The following LARGE1 variants were observed in gnomAD, a reference collection of about 807,000 sequenced individuals.
LARGE1 encodes the protein xylosyl- and glucuronyltransferase LARGE1.
A neutral mutation model predicts 87.6 loss-of-function variants in LARGE1; 43 were observed. The ratio of observed to expected loss-of-function variants is 0.49; its 90% CI spans 0.38 to 0.63. LARGE1 has a LOEUF of 0.63. Ranked by LOEUF, LARGE1 falls within the 30% of genes least tolerant of loss-of-function variation. The pLI, the probability that LARGE1 is intolerant of heterozygous loss-of-function variation, is 0.00. For synonymous variants in LARGE1, 434 were observed against 394.6 expected (o/e 1.10, Z -1.18); for missense variants, 802 against 1,000.2 (o/e 0.80, Z 2.67).
intron 1 of LARGE1, among the ~76,000 whole-genome samples, chr22:33,899,971 T>C (rs945830630): frequency 3.3e-5 from 5 of 152,208 alleles, no homozygotes; most frequent in African/African-American, 1.2e-4. Flanking sequence ...ATTTGTTTTG[T>C]AGCTTTTTCC....
intron 11 of LARGE1, among the ~76,000 whole-genome samples, chr22:33,196,243 T>G (rs1054935299): frequency 2.0e-5 from 3 of 151,120 alleles, no homozygotes; most frequent in Admixed American, 1.3e-4. Flanking sequence ...TCAATGAAAT[T>G]GATAAATTTC....
chr22:33,161,672 T>C (rs1922028796), downstream of LARGE1, among the ~76,000 whole-genome samples: 1 of 152,238 alleles, frequency 6.6e-6, no homozygotes, highest in African/African-American at 2.4e-5. Flanking sequence ...TGATTCCATG[T>C]CTTACATTGT....
At chr22:33,375,267 T>C (rs918651364) in intron 9 of LARGE1, among the ~76,000 whole-genome samples, 6 of 152,236 alleles carry the variant, frequency 3.9e-5, no homozygotes, top group Admixed American at 1.3e-4. Context: ...GTGAACAAGG[T>C]AGAAGCATTT....
intron 2 of LARGE1, among the ~76,000 whole-genome samples, chr22:33,701,115 C>A (rs1278926737): frequency 6.6e-6 from 1 of 152,020 alleles, no homozygotes; most frequent in Non-Finnish European, 1.5e-5. Flanking sequence ...CTTTTTGTAC[C>A]TGGATCACAC....
At chr22:33,222,633 G>A (rs796372838) in intron 11 of LARGE1, among the ~76,000 whole-genome samples, 9 of 152,294 alleles carry the variant, frequency 5.9e-5, no homozygotes, top group African/African-American at 2.2e-4. Context: ...TGTGAAGACA[G>A]AGGCAGAAAC....
At chr22:33,322,237 C>T (rs1413809838) in intron 10 of LARGE1, among the ~76,000 whole-genome samples, 1 of 152,240 alleles carries the variant, frequency 6.6e-6, no homozygotes, top group Non-Finnish European at 1.5e-5. Flanking sequence ...GAGCTCCTAA[C>T]AGCAGGAGCT....
intron 5 of LARGE1, among the ~76,000 whole-genome samples, chr22:33,579,375 G>A (rs912209630): frequency 6.6e-6 from 1 of 152,216 alleles, no homozygotes; most frequent in Non-Finnish European, 1.5e-5. Flanking sequence ...TTTAAGTCCA[G>A]TTAAATCTCT....
At chr22:33,918,177 G>T (rs2065842263) in intron 1 of LARGE1, among the ~76,000 whole-genome samples, 1 of 152,108 alleles carries the variant, frequency 6.6e-6, no homozygotes, top group Non-Finnish European at 1.5e-5. Flanking sequence ...CATTTCTAAG[G>T]CCCTTCCAGG....
In LARGE1 at chr22:33,444,207, A is replaced by G. The variant is rs188058546; in HGVS notation, c.788-11942T>C. ...TCAAATGACTCAATTTCCAAACTTTAATTTTTATTTTTTTAACAGTGGATA... is the reference window on the plus strand; with the variant it reads ...TCAAATGACTCAATTTCCAAACTTTGATTTTTATTTTTTTAACAGTGGATA... On this transcript the variant is annotated intron_variant, in intron 6 of 14. Transcript: ENST00000397394. 1.2e-3 allele frequency among the ~76,000 whole-genome samples: 181 copies of G among 152,292 alleles called. 1 individual carries two copies. Among genetic ancestry groups the G allele is most frequent in the Non-Finnish European group, 1.7e-3 (117 of 68,012 alleles).
chr22:33,183,117 T>A (rs770828775), intron 11 of LARGE1, among the ~76,000 whole-genome samples: 1 of 151,810 alleles, frequency 6.6e-6, no homozygotes, highest in African/African-American at 2.4e-5. Context: ...ATAAGATATA[T>A]AAGGAGCTCA....
intron 6 of LARGE1, among the ~76,000 whole-genome samples, chr22:33,439,174 AC>A (rs1348258077): frequency 6.6e-6 from 1 of 151,390 alleles, no homozygotes; most frequent in African/African-American, 2.4e-5. Flanking sequence ...AGACTGCGCC[AC>A]TGCACTCCAG....
At chr22:33,402,229 T>C (rs1459905981) in intron 7 of LARGE1, among the ~76,000 whole-genome samples, 2 of 152,170 alleles carry the variant, frequency 1.3e-5, no homozygotes, top group Non-Finnish European at 2.9e-5. Flanking sequence ...TGCTGTGTGA[T>C]GAATGAAAGA....
chr22:33,397,395 A>G (rs183205778), intron 7 of LARGE1, among the ~76,000 whole-genome samples: 1 of 152,328 alleles, frequency 6.6e-6, no homozygotes, highest in Non-Finnish European at 1.5e-5. Context: ...GATTACAGGC[A>G]TGAGCCATGG....
intron 4 of LARGE1, among the ~76,000 whole-genome samples, chr22:33,611,138 G>A (rs2079416428): frequency 6.6e-6 from 1 of 152,226 alleles, no homozygotes; most frequent in Non-Finnish European, 1.5e-5. Flanking sequence ...TTATATGTGG[G>A]GTTGGAGACC....
chr22:33,538,054 T>C (rs2077090798), intron 6 of LARGE1, among the ~76,000 whole-genome samples: 1 of 152,162 alleles, frequency 6.6e-6, no homozygotes, highest in South Asian at 2.1e-4. Flanking sequence ...CTCAGCTTTA[T>C]CCACATCCAC....
At chr22:33,183,887 C>CA (rs1330300654) in intron 11 of LARGE1, among the ~76,000 whole-genome samples, 1 of 151,816 alleles carries the variant, frequency 6.6e-6, no homozygotes, top group East Asian at 1.9e-4. Context: ...TCAAAGGGTA[C>CA]AAACTTCCAG....
the LARGE1 span, among the ~76,000 whole-genome samples, chr22:33,076,436 T>C: frequency 5.3e-5 from 8 of 152,178 alleles, no homozygotes; most frequent in African/African-American, 1.9e-4. Flanking sequence ...TCCAAGGACT[T>C]GTGTTTTGTA....
At chr22:33,122,359 C>CTTTTTTTTTT in the LARGE1 span, among the ~76,000 whole-genome samples, 1 of 132,350 alleles carries the variant, frequency 7.6e-6, no homozygotes. Context: ...TTTTCTTTTT[C>CTTTTTTTTTT]TTTTTTTTTT....
At chr22:33,219,744 T>C (rs1925369046) in intron 11 of LARGE1, among the ~76,000 whole-genome samples, 1 of 152,168 alleles carries the variant, frequency 6.6e-6, no homozygotes, top group South Asian at 2.1e-4. Flanking sequence ...CCTCTACTAT[T>C]CATGATGCTG....
Sources: allele counts gnomAD v4.1 joint callset (sites outside exome capture counted in the v4.1 genomes callset), GRCh38; gene constraint gnomAD v4.1.1; transcripts MANE v1.5; gene names NCBI Gene and HGNC (gene_info 2026-07-23, HGNC 2026-07-21).